Variants in LARGE1 observed in about 807,000 individuals in gnomAD.
LARGE1 encodes the protein LARGE xylosyl- and glucuronyltransferase 1, also known as xylosyl- and glucuronyltransferase LARGE1.
In LARGE1, 43 loss-of-function variants were observed where a neutral mutation model predicts 87.6. That is an observed-to-expected ratio of 0.49 (90% confidence interval 0.38 to 0.63). The LOEUF is 0.63. Ranked by LOEUF, LARGE1 falls within the 30% of genes least tolerant of loss-of-function variation. LARGE1 has a pLI of 0.00. For synonymous variants in LARGE1, 434 were observed against 394.6 expected, an observed-to-expected ratio of 1.10 and a Z score of -1.18; for missense variants, 802 against 1,000.2, an observed-to-expected ratio of 0.80 and a Z score of 2.67.
intron 2 of LARGE1, among the ~76,000 whole-genome samples, chr22:33,699,748 T>TA (rs1023280018): frequency 1.1e-4 from 16 of 151,690 alleles, no homozygotes; most frequent in East Asian, 3.9e-4. Flanking sequence ...TTCAAAGGGA[T>TA]AAAAAAAAAT....
intron 6 of LARGE1, among the ~76,000 whole-genome samples, chr22:33,491,713 T>C (rs912542789): frequency 6.6e-6 from 1 of 152,232 alleles, no homozygotes; most frequent in Non-Finnish European, 1.5e-5. Context: ...GCCCCATTTT[T>C]GTGCCCACCA....
intron 13 of LARGE1, among the ~76,000 whole-genome samples, chr22:33,279,773 T>C (rs1354266257): frequency 6.6e-6 from 1 of 152,244 alleles, no homozygotes; most frequent in Non-Finnish European, 1.5e-5. Context: ...CAGAAGCAGT[T>C]GCTTTTCCAT....
chr22:33,681,791 ATC>A (rs1220033745), intron 2 of LARGE1, among the ~76,000 whole-genome samples: 5 of 152,174 alleles, frequency 3.3e-5, no homozygotes, highest in Non-Finnish European at 2.9e-5. Context: ...TTTGATAATT[ATC>A]TTTTTAAAAA....
chr22:33,815,587 C>T lies in LARGE1; in HGVS notation c.-82-54029G>A, dbSNP rs541056374. ...CAGAAAGGACTCTTCAGCCAAGAAC[C>T]ATTCTTAGTAATCTGATAGTGTGCA... On this transcript the variant is annotated intron_variant, in intron 1 of 14. Coordinates refer to ENST00000397394, the MANE Select transcript of LARGE1 (RefSeq NM_133642.5). Among the ~76,000 whole-genome samples the T allele has an allele frequency of 2.6e-5, 4 of 152,272 alleles. No homozygotes were observed. The South Asian group carries it at 8.3e-4, about 32-fold the overall frequency.
At chr22:33,315,948 C>T in intron 11 of LARGE1, 137 bp downstream of exon 11, 1 of 1,015,724 alleles carries the variant, frequency 9.8e-7, no homozygotes, top group Non-Finnish European at 1.5e-6. Flanking sequence ...TATTCTAAGC[C>T]CATGTGCCAT....
At chr22:33,226,151 T>C (rs994360144) in intron 11 of LARGE1, among the ~76,000 whole-genome samples, 1 of 152,238 alleles carries the variant, frequency 6.6e-6, no homozygotes, top group Non-Finnish European at 1.5e-5. Flanking sequence ...TTCTGAGAAT[T>C]TCCAAAGACT....
At chr22:33,876,664 G>A (rs1369832333) in intron 1 of LARGE1, among the ~76,000 whole-genome samples, 6 of 150,766 alleles carry the variant, frequency 4.0e-5, no homozygotes, top group Non-Finnish European at 7.4e-5. Flanking sequence ...GGGGTGCGGG[G>A]CTAGGGGAGG....
chr22:33,622,891 T>G (rs2079800053), intron 4 of LARGE1, among the ~76,000 whole-genome samples: 1 of 152,226 alleles, frequency 6.6e-6, no homozygotes, highest in Non-Finnish European at 1.5e-5. Flanking sequence ...GCTAATAATA[T>G]TACTACCGCT....
intron 4 of LARGE1, among the ~76,000 whole-genome samples, chr22:33,619,053 G>A (rs1004335596): frequency 6.6e-6 from 1 of 152,112 alleles, no homozygotes; most frequent in Admixed American, 6.6e-5. Flanking sequence ...GGACCACCCC[G>A]CATCCTCTCC....
the LARGE1 span, among the ~76,000 whole-genome samples, chr22:33,139,928 G>T: frequency 1.3e-5 from 2 of 152,200 alleles, no homozygotes; most frequent in Admixed American, 1.3e-4. Context: ...GTGCAGAGGT[G>T]GTCTGATTCT....
At chr22:33,816,669 T>TGCAC (rs1234055620) in intron 1 of LARGE1, among the ~76,000 whole-genome samples, 25 of 83,424 alleles carry the variant, frequency 3.0e-4, no homozygotes, top group African/African-American at 9.6e-4. Flanking sequence ...GATGCACGGA[T>TGCAC]GGATGGATAG....
intron 1 of LARGE1, among the ~76,000 whole-genome samples, chr22:33,879,850 C>T (rs2064615345): frequency 6.6e-6 from 1 of 152,312 alleles, no homozygotes; most frequent in East Asian, 1.9e-4. Context: ...GCTCCTGGCA[C>T]GGTATCAGGT....
At chr22:33,466,749 TTTG>T (rs988786261) in intron 6 of LARGE1, among the ~76,000 whole-genome samples, 5 of 137,462 alleles carry the variant, frequency 3.6e-5, no homozygotes, top group East Asian at 2.4e-4. Flanking sequence ...ACCTTAAGAG[TTTG>T]TTATCACCAG....
At chr22:33,601,862 G>A (rs1367059013) in intron 5 of LARGE1, among the ~76,000 whole-genome samples, 5 of 152,148 alleles carry the variant, frequency 3.3e-5, no homozygotes, top group Non-Finnish European at 7.4e-5. Flanking sequence ...AAGCCAGCAC[G>A]TAAAATAATA....
At chr22:33,771,962 C>A (rs1400106916) in intron 1 of LARGE1, among the ~76,000 whole-genome samples, 3 of 152,188 alleles carry the variant, frequency 2.0e-5, no homozygotes, top group Non-Finnish European at 2.9e-5. Context: ...TTTCTCCTGC[C>A]ACTATACGAA....
chr22:33,111,622 G>A, the LARGE1 span, among the ~76,000 whole-genome samples: 1 of 152,054 alleles, frequency 6.6e-6, no homozygotes, highest in Non-Finnish European at 1.5e-5. Flanking sequence ...CTCAAAAAAC[G>A]TCATGGCAAC....
At chr22:33,093,426 T>G in the LARGE1 span, among the ~76,000 whole-genome samples, 1 of 152,194 alleles carries the variant, frequency 6.6e-6, no homozygotes, top group Non-Finnish European at 1.5e-5. Flanking sequence ...CAGTAATGCT[T>G]ATATATCCTT....
intron 7 of LARGE1, among the ~76,000 whole-genome samples, chr22:33,401,140 G>T (rs781767390): frequency 6.6e-6 from 1 of 152,134 alleles, no homozygotes; most frequent in East Asian, 1.9e-4. Context: ...CTGCTTGGCA[G>T]CCATCTCCAT....
chr22:33,492,693 A>C (rs562789928), intron 6 of LARGE1, among the ~76,000 whole-genome samples: 7 of 152,300 alleles, frequency 4.6e-5, no homozygotes, highest in African/African-American at 1.7e-4. Context: ...CCAATGAGCG[A>C]GTGATTTCTT....
Sources: allele counts gnomAD v4.1 joint callset (sites outside exome capture counted in the v4.1 genomes callset), GRCh38; gene constraint gnomAD v4.1.1; transcripts MANE v1.5; gene names NCBI Gene and HGNC (gene_info 2026-07-23, HGNC 2026-07-21).